Variants in NUDCD1 observed in about 807,000 individuals in gnomAD.
NUDCD1 encodes NudC domain containing 1.
NUDCD1 carries 60 observed loss-of-function variants against 67.8 expected under a neutral mutation model. That is an observed-to-expected ratio of 0.88 (90% CI 0.72 to 1.10). The LOEUF is 1.10. Among genes scored for constraint, NUDCD1 ranks in the 50% least tolerant of loss-of-function variants. The probability of loss-of-function intolerance (pLI) is 0.00; values close to 1 mark genes in which losing one functional copy is unlikely to be tolerated. For missense variants in NUDCD1, 643 were observed against 695.0 expected (o/e 0.93, Z 0.84); for synonymous variants, 244 against 230.8 (o/e 1.06, Z -0.52).
At chr8:109,300,991 A>G (rs1424337230) in intron 2 of NUDCD1, among the ~76,000 whole-genome samples, 2 of 151,038 alleles carry the variant, frequency 1.3e-5, no homozygotes, top group African/African-American at 4.8e-5. Flanking sequence ...TTTTGTATCC[A>G]GTGAAACAAA....
At chr8:109,287,477 T>C (rs1035974205) in intron 5 of NUDCD1, among the ~76,000 whole-genome samples, 4 of 152,074 alleles carry the variant, frequency 2.6e-5, no homozygotes, top group East Asian at 3.9e-4. Context: ...AACAAAATCA[T>C]GTCCTTTGCA....
intron 1 of NUDCD1, among the ~76,000 whole-genome samples, chr8:109,329,490 T>C (rs1164436268): frequency 6.6e-6 from 1 of 152,122 alleles, no homozygotes; most frequent in African/African-American, 2.4e-5. Context: ...ATGTTATGTA[T>C]AGAGCAACAA....
intron 2 of NUDCD1, among the ~76,000 whole-genome samples, chr8:109,318,351 C>T (rs1420580004): frequency 6.6e-6 from 1 of 152,166 alleles, no homozygotes; most frequent in Admixed American, 6.5e-5. Context: ...TATGGTACAG[C>T]AAATGCTATC....
At chr8:109,272,393 A>G (rs1040405164) in intron 7 of NUDCD1, among the ~76,000 whole-genome samples, 2 of 151,764 alleles carry the variant, frequency 1.3e-5, no homozygotes, top group African/African-American at 4.8e-5. Context: ...ACACACGCAA[A>G]TATCTACCCA....
intron 9 of NUDCD1, among the ~76,000 whole-genome samples, chr8:109,244,388 G>T (rs1813446978): frequency 6.6e-6 from 1 of 152,038 alleles, no homozygotes; most frequent in African/African-American, 2.4e-5. Flanking sequence ...AGCATCTAAA[G>T]ATGATATGAT....
At chr8:109,265,782 T>C (rs1381147226) in intron 8 of NUDCD1, among the ~76,000 whole-genome samples, 1 of 152,142 alleles carries the variant, frequency 6.6e-6, no homozygotes, top group Non-Finnish European at 1.5e-5. Context: ...ATCCCTTGCA[T>C]GCACAGTTCA....
intron 9 of NUDCD1, 72 bp downstream of exon 9, chr8:109,245,250 A>G: frequency 7.0e-7 from 1 of 1,434,670 alleles, no homozygotes; most frequent in Non-Finnish European, 9.5e-7. Flanking sequence ...AAGAAAAAAA[A>G]GAAATGAACT....
Position 109,324,469 on chromosome 8 carries a change from TA to T in NUDCD1, c.119-2007del, listed in dbSNP as rs143601784. 3.6e-3 allele frequency among the ~76,000 whole-genome samples: 545 copies of T among 151,820 alleles called. 3 individuals carry two copies. The highest frequency in any genetic ancestry group is 6.1e-3 in the Non-Finnish European group (412 of 67,960). On this transcript the variant is annotated intron_variant, in intron 1 of 9. Transcript: ENST00000239690. ...ATAATCTGTCAGTGGGAATGTAAATTAGTATAGCCATTATGGAAAATAGTAA... is the reference window on the plus strand; with the variant it reads ...ATAATCTGTCAGTGGGAATGTAAATTGTATAGCCATTATGGAAAATAGTAA...
intron 4 of NUDCD1, among the ~76,000 whole-genome samples, chr8:109,291,880 T>G (rs933560519): frequency 3.3e-5 from 5 of 152,046 alleles, no homozygotes; most frequent in Admixed American, 2.6e-4. Flanking sequence ...ACCAAGTGTC[T>G]TGGAGAAAGG....
At chr8:109,243,859 A>G (rs781740254) in intron 9 of NUDCD1, among the ~76,000 whole-genome samples, 1 of 152,136 alleles carries the variant, frequency 6.6e-6, no homozygotes, top group Non-Finnish European at 1.5e-5. Context: ...CAACACTGTA[A>G]CTGGATTTTT....
At chr8:109,290,511 T>G (rs1330854764) in intron 4 of NUDCD1, among the ~76,000 whole-genome samples, 5 of 152,168 alleles carry the variant, frequency 3.3e-5, no homozygotes. Context: ...TTTTTCTGCC[T>G]GCTCTAACTC....
intron 4 of NUDCD1, 35 bp from the exon 5 acceptor site, chr8:109,289,968 A>C (rs1273746379): frequency 1.1e-6 from 1 of 937,828 alleles, no homozygotes; most frequent in South Asian, 1.9e-5. Context: ...AAACATTACA[A>C]ATAAAAACTA....
intron 5 of NUDCD1, among the ~76,000 whole-genome samples, chr8:109,282,698 G>A (rs1253760136): frequency 6.6e-6 from 1 of 151,680 alleles, no homozygotes; most frequent in African/African-American, 2.4e-5. Flanking sequence ...GGGGGGCTAG[G>A]GGAGGGATAG....
chr8:109,329,964 C>A, intron 1 of NUDCD1: 1 of 1,378,404 alleles, frequency 7.3e-7, no homozygotes, highest in Non-Finnish European at 9.5e-7. Flanking sequence ...AATACAGATT[C>A]TATAGTGTAG....
At position 109,280,955 on chromosome 8, in the gene NUDCD1, TA is replaced by T. The variant is rs3830706; in HGVS notation, c.1028+12del. 0.56 allele frequency: 718,956 copies of T among 1,278,954 alleles called. 206,039 individuals are homozygous for T. The highest frequency in any genetic ancestry group is 0.84 in the African/African-American group (55,387 of 66,008). The allele number at this position is 1,278,954 out of a possible 1,614,324, so 79.2% of individuals were successfully genotyped here. On this transcript the variant is annotated intron_variant, in intron 6 of 9. Transcript: ENST00000239690. ...AGATAATAGAATATTAAAGTAAAAT[TA>T]AAAAAAAATACCTATTACTCTCTTT...
At chr8:109,329,644 G>C (rs1815758216) in intron 1 of NUDCD1, among the ~76,000 whole-genome samples, 1 of 152,088 alleles carries the variant, frequency 6.6e-6, no homozygotes, top group African/African-American at 2.4e-5. Context: ...GGAAACTTTG[G>C]GAATGATAGC....
At chr8:109,244,382 T>A (rs1267545655) in intron 9 of NUDCD1, among the ~76,000 whole-genome samples, 1 of 152,042 alleles carries the variant, frequency 6.6e-6, no homozygotes, top group African/African-American at 2.4e-5. Context: ...CATCTGAGCA[T>A]CTAAAGATGA....
intron 6 of NUDCD1, among the ~76,000 whole-genome samples, chr8:109,275,884 A>C (rs920117684): frequency 6.6e-6 from 1 of 152,140 alleles, no homozygotes; most frequent in East Asian, 1.9e-4. Flanking sequence ...GCAAAGAGTA[A>C]AAGGGCTGTA....
At chr8:109,289,211 T>C (rs938227063) in intron 5 of NUDCD1, among the ~76,000 whole-genome samples, 1 of 151,910 alleles carries the variant, frequency 6.6e-6, no homozygotes, top group South Asian at 2.1e-4. Flanking sequence ...TCCTGACCTT[T>C]TGATCCGCCC....
Sources: gnomAD v4.1 joint callset for allele counts (sites outside exome capture counted in the v4.1 genomes callset) on GRCh38, gnomAD v4.1.1 for gene constraint, MANE v1.5 for transcripts, NCBI Gene and HGNC (gene_info 2026-07-23, HGNC 2026-07-21) for gene names.